SEZ6L2: variants seen among roughly 807,000 people sequenced by gnomAD.
SEZ6L2 encodes the protein seizure 6-like protein 2.
A neutral mutation model predicts 97.0 loss-of-function variants in SEZ6L2; 44 were observed. That is an observed-to-expected ratio of 0.45 (90% CI 0.36 to 0.58). The LOEUF (loss-of-function observed/expected upper bound fraction) is 0.58, where lower values mean the gene tolerates loss of function less well. Among genes scored for constraint, SEZ6L2 ranks in the 20% least tolerant of loss-of-function variants. The pLI is 0.00. For missense variants in SEZ6L2, 1,086 were observed against 1,233.3 expected (o/e 0.88, Z 1.79); for synonymous variants, 543 against 546.1 (o/e 0.99, Z 0.08).
intron 5 of SEZ6L2, among the ~76,000 whole-genome samples, chr16:29,891,165 C>G (rs1444729589): frequency 6.6e-6 from 1 of 152,072 alleles, no homozygotes; most frequent in Non-Finnish European, 1.5e-5. Flanking sequence ...TGGTCTCGAA[C>G]TCCTGACCTC....
intron 7 of SEZ6L2, chr16:29,886,075 A>G (rs969714418): frequency 5.2e-6 from 1 of 193,502 alleles, no homozygotes; most frequent in African/African-American, 2.3e-5. Flanking sequence ...AAGATAGCAG[A>G]TGCTTGACCA....
At chr16:29,894,136 G>A (rs2068330126) in intron 5 of SEZ6L2, among the ~76,000 whole-genome samples, 1 of 152,194 alleles carries the variant, frequency 6.6e-6, no homozygotes, top group South Asian at 2.1e-4. Context: ...CTCCCAAAGT[G>A]CTGAGATTAT....
chr16:29,872,406 T>C lies in SEZ6L2; in HGVS notation c.2645+3A>G. 1.2e-6 allele frequency: 2 copies of C among 1,613,658 alleles called. No individual in the cohort carries two copies. Among genetic ancestry groups the C allele is most frequent in the Non-Finnish European group, 1.7e-6 (2 of 1,179,552 alleles). ...GCCGGCAGTCCCCAAGCAGGCTACT[T>C]ACTTGGTGTAGTAGATGTAAACGCC... is the stretch of plus-strand genomic sequence containing the variant. On this transcript the variant is annotated splice_donor_region_variant and intron_variant, in intron 16 of 17. Transcript: ENST00000617533.
intron 8 of SEZ6L2, among the ~76,000 whole-genome samples, chr16:29,881,974 A>AT (rs201885407): frequency 1.3e-5 from 1 of 76,800 alleles, no homozygotes; most frequent in African/African-American, 5.3e-5. Context: ...TTAATATTTT[A>AT]TTTTTTTATT....
intron 12 of SEZ6L2, among the ~76,000 whole-genome samples, chr16:29,874,237 C>G (rs142139189): frequency 0.013 from 2,003 of 152,290 alleles, 25 homozygotes; most frequent in Non-Finnish European, 0.021. Flanking sequence ...AAGCCCCTAT[C>G]CTGGGGTGAA....
At chr16:29,888,781 A>G (rs2068204574) in intron 5 of SEZ6L2, 56 bp from the exon 6 acceptor site, 1 of 1,488,608 alleles carries the variant, frequency 6.7e-7, no homozygotes, top group South Asian at 1.3e-5. Flanking sequence ...ACCCTCTCAT[A>G]CTGATCCCCC....
At chr16:29,874,727 T>C (rs1567410897) in intron 12 of SEZ6L2, among the ~76,000 whole-genome samples, 2 of 151,730 alleles carry the variant, frequency 1.3e-5, no homozygotes, top group Non-Finnish European at 1.5e-5. Context: ...TTCGCTACCA[T>C]GCCCAGCTAA....
intron 15 of SEZ6L2, 74 bp downstream of exon 15, chr16:29,872,631 T>C: frequency 1.9e-6 from 3 of 1,600,740 alleles, no homozygotes; most frequent in Non-Finnish European, 1.7e-6. Context: ...CTCCAAGGCC[T>C]GGCCTCCTGC....
At chr16:29,879,328 C>T (rs922143941) in intron 9 of SEZ6L2, among the ~76,000 whole-genome samples, 3 of 152,164 alleles carry the variant, frequency 2.0e-5, no homozygotes, top group African/African-American at 7.2e-5. Context: ...CGGGTTCAAG[C>T]GATTCTCCTG....
intron 8 of SEZ6L2, among the ~76,000 whole-genome samples, chr16:29,884,569 G>A (rs1278949399): frequency 6.6e-6 from 1 of 151,930 alleles, no homozygotes; most frequent in Non-Finnish European, 1.5e-5. Context: ...TCCAGCCTGG[G>A]CGACAGAGAG....
Position 29,879,874 on chromosome 16 carries a change from C to T in SEZ6L2, c.1563G>A (p.Pro521=), listed in dbSNP as rs777130508. Residue 521 remains proline, a synonymous_variant, in exon 9 of 18, where the codon CCG becomes CCA. Coordinates refer to ENST00000617533, the MANE Select transcript of SEZ6L2 (RefSeq NM_001243332.2). ...ACAAGGAAGGCTCACCTTTGCAGGC[C>T]GGCTCTGTGTCGTTCCAGTGGGGTT... ...PTEPHWNDTE[P]ACKAMCGGEL... 8.8e-6 allele frequency: 14 copies of T among 1,599,584 alleles called. No homozygotes were observed. Among genetic ancestry groups the T allele is most frequent in the African/African-American group, 2.7e-5 (2 of 74,576 alleles).
chr16:29,879,614 C>A (rs2067988234), intron 9 of SEZ6L2, among the ~76,000 whole-genome samples: 1 of 152,198 alleles, frequency 6.6e-6, no homozygotes, highest in Admixed American at 6.5e-5. Flanking sequence ...CTCCAGCCTG[C>A]CCAATCTGTG....
chr16:29,885,667 T>C lies in SEZ6L2; in HGVS notation c.1291A>G (p.Ile431Val). ...ACGTAGAGGGACTGGGCGTCACTGA[T>C]GAGACCCCGCTCGGGGACATCGTCC... Reference protein sequence around the residue: ...DMDDVPERGLISDAQSLYVEL... With the variant: ...DMDDVPERGLVSDAQSLYVEL... The change falls in exon 8 of 18, where the codon ATC becomes GTC. Residue 431 changes from isoleucine (I) to valine (V), a missense_variant. This residue lies in a region of SEZ6L2 where 776 missense variants were observed against 794.7 expected (regional missense o/e 0.98). Coordinates refer to ENST00000617533, the MANE Select transcript of SEZ6L2 (RefSeq NM_001243332.2). 6.2e-7 allele frequency: 1 copy of C among 1,614,018 alleles called. No individual in the cohort carries two copies. Among genetic ancestry groups the C allele is most frequent in the Non-Finnish European group, 8.5e-7 (1 of 1,179,988 alleles).
intron 3 of SEZ6L2, 62 bp downstream of exon 3, chr16:29,896,760 C>T: frequency 2.0e-6 from 3 of 1,466,344 alleles, no homozygotes; most frequent in East Asian, 2.3e-5. Context: ...GCCTCTCTCC[C>T]ATCCATCCCC....
chr16:29,880,202 G>A (rs1436346952), intron 8 of SEZ6L2, 138 bp from the exon 9 acceptor site: 19 of 775,480 alleles, frequency 2.5e-5, no homozygotes, highest in Middle Eastern at 3.8e-4. Context: ...TTGTGCTGTC[G>A]CCCAGGCTGG....
At chr16:29,895,575 G>A in intron 4 of SEZ6L2, 115 bp from the exon 5 acceptor site, 1 of 1,411,642 alleles carries the variant, frequency 7.1e-7, no homozygotes, top group Non-Finnish European at 9.6e-7. Flanking sequence ...CCACGCTGCT[G>A]CCCAAGTTGT....
Position 29,876,931 on chromosome 16 carries a change from C to T in SEZ6L2, c.1929G>A (p.Thr643=). The T allele has an allele frequency of 6.2e-7, 1 of 1,608,638 alleles. No individual in the cohort carries two copies. Among genetic ancestry groups the T allele is most frequent in the Non-Finnish European group, 8.5e-7 (1 of 1,176,494 alleles). The change falls in exon 12 of 18, where the codon ACG becomes ACA. Residue 643 remains threonine (T), a synonymous_variant. Coordinates refer to ENST00000617533, the MANE Select transcript of SEZ6L2 (RefSeq NM_001243332.2). This position sits in a 1 kb window ranked among gnomAD's most constrained non-coding sequence, Gnocchi z 6.5. ...LHFKEVPRND[T]CPELPPPEWG... The stretch of plus-strand genomic sequence containing the variant: ...ACTCCGGAGGTGGCAGCTCGGGGCA[C>T]GTGTCGTTCCTCGGGACCTCTGCAG...
Position 29,888,678 on chromosome 16 carries a change from C to T in SEZ6L2, c.901G>A (p.Val301Met), listed in dbSNP as rs750867117. The T allele has an allele frequency of 1.1e-5, 18 of 1,613,786 alleles. No homozygotes were observed. Among genetic ancestry groups the T allele is most frequent in the South Asian group, 2.2e-5 (2 of 91,074 alleles). Residue 301 changes from valine (V) to methionine (M), a missense_variant, in exon 6 of 18, where the codon GTG (valine) becomes ATG (methionine). Val to Met is a conservative substitution (Grantham distance 21, BLOSUM62 1). This residue lies in a region of SEZ6L2 where 776 missense variants were observed against 794.7 expected (regional missense o/e 0.98). Transcript: ENST00000617533. ...CCAGGGTGCAGGTCCGTCACACTCA[C>T]GTCCCCATGGGCCGGCCGGGGAGGG... is the stretch of plus-strand genomic sequence containing the variant. ...GFPPRPAHGD[V>M]SVTDLHPGGT... is the part of the protein sequence containing the mutation.
chr16:29,889,582 C>T (rs1435216934), intron 5 of SEZ6L2, among the ~76,000 whole-genome samples: 1 of 150,380 alleles, frequency 6.6e-6, no homozygotes, highest in Non-Finnish European at 1.5e-5. Flanking sequence ...CTCAGCTCCT[C>T]AGCTTCCATC....
Sources: gnomAD v4.1 joint callset for allele counts (sites outside exome capture counted in the v4.1 genomes callset) on GRCh38, gnomAD v4.1.1 for gene constraint, gnomAD v4.1.1 regional missense constraint, Gnocchi (gnomAD v3.1) non-coding constraint, MANE v1.5 for transcripts, NCBI Gene and HGNC (gene_info 2026-07-23, HGNC 2026-07-21) for gene names.